The following ADAP1 variants were observed in gnomAD, a reference collection of about 807,000 sequenced individuals.
ADAP1 encodes the protein ArfGAP with dual PH domains 1.
A neutral mutation model predicts 54.9 loss-of-function variants in ADAP1; 31 were observed. That is an observed-to-expected ratio of 0.56 (90% CI 0.42 to 0.76). The LOEUF (loss-of-function observed/expected upper bound fraction) is 0.76. ADAP1 is among the 30% of genes least tolerant of loss of function. The probability of loss-of-function intolerance (pLI) is 0.00; values close to 1 mark genes in which losing one functional copy is unlikely to be tolerated. For synonymous variants in ADAP1, 313 were observed against 202.6 expected (o/e 1.55, Z -4.63); for missense variants, 535 against 512.4 (o/e 1.04, Z -0.42).
At position 898,501 on chromosome 7, in the gene ADAP1, A is replaced by G; in HGVS notation, c.*420T>C. The stretch of plus-strand genomic sequence containing the variant: ...GGGGAGGGCGGGGCGGCATGCGAGC[A>G]GGGCCCAGTCCCCAGCGGCCGGCAG... On this transcript the variant is annotated 3_prime_UTR_variant, in exon 11 of 11. Coordinates refer to ENST00000265846, the MANE Select transcript of ADAP1 (RefSeq NM_006869.4). 1 of 247,260 alleles carries G rather than the reference A, an allele frequency of 4.0e-6. No individual in the cohort carries two copies. Among genetic ancestry groups the G allele is most frequent in the Non-Finnish European group, 8.0e-6 (1 of 125,036 alleles). 15.3% of individuals were successfully genotyped at this position (247,260 alleles called of 1,614,324 possible). A position where few individuals can be genotyped will look rare whatever the true frequency, so the allele number is the denominator to read the frequency against.
chr7:900,839 T>C (rs1844766204), intron 6 of ADAP1: 1 of 643,746 alleles, frequency 1.6e-6, no homozygotes, highest in South Asian at 1.6e-5. Flanking sequence ...GGAGGGCAGG[T>C]GCAGCCTCCC....
intron 3 of ADAP1, among the ~76,000 whole-genome samples, chr7:923,830 A>G (rs1333494433): frequency 2.0e-5 from 3 of 152,140 alleles, no homozygotes; most frequent in Non-Finnish European, 4.4e-5. Context: ...CCTTCAACTC[A>G]GACCCGGGCT....
chr7:899,597 T>C, intron 8 of ADAP1, 107 bp from the exon 9 acceptor site: 1 of 1,255,696 alleles, frequency 8.0e-7, no homozygotes, highest in Non-Finnish European at 1.1e-6. Context: ...CCCGGGTCAG[T>C]CACCTCCATT....
chr7:899,332 GGGAGGCCACCCGCCCTCCT>G, intron 9 of ADAP1, 68 bp downstream of exon 9: 1 of 1,604,106 alleles, frequency 6.2e-7, no homozygotes, highest in Non-Finnish European at 8.5e-7. Context: ...GCCAGGACTC[GGGAGGCCACCCGCCCTCCT>G]GGTCACGCAT....
chr7:898,440 A>T lies in ADAP1; in HGVS notation c.*481T>A, dbSNP rs1276583643. Reference sequence around the variant, plus strand: ...CCCACGGCCCTCATAGCCCCGTGACACACAACAGGCGCTCAATAAATAGTC... The same window carrying T: ...CCCACGGCCCTCATAGCCCCGTGACTCACAACAGGCGCTCAATAAATAGTC... On this transcript the variant is annotated 3_prime_UTR_variant, in exon 11 of 11. Coordinates refer to ENST00000265846, the MANE Select transcript of ADAP1 (RefSeq NM_006869.4). 9.3e-6 allele frequency: 2 copies of T among 215,752 alleles called. No homozygotes were observed. The highest frequency in any genetic ancestry group is 4.6e-5 in the African/African-American group (2 of 43,238). 13.4% of individuals were successfully genotyped at this position (215,752 alleles called of 1,614,324 possible).
intron 1 of ADAP1, among the ~76,000 whole-genome samples, chr7:939,376 T>C (rs888661868): frequency 1.2e-4 from 18 of 151,296 alleles, no homozygotes; most frequent in Non-Finnish European, 2.5e-4. Context: ...TGCACCACCA[T>C]GCCCGGCTAA....
chr7:915,108 A>G (rs1243762110), intron 4 of ADAP1, among the ~76,000 whole-genome samples: 5 of 51,526 alleles, frequency 9.7e-5, no homozygotes, highest in Non-Finnish European at 3.6e-5. Context: ...GCAGCCACAC[A>G]CTCTGGAGCA....
At chr7:915,187 G>A (rs959343347) in intron 4 of ADAP1, among the ~76,000 whole-genome samples, 13 of 93,186 alleles carry the variant, frequency 1.4e-4, no homozygotes, top group Admixed American at 3.2e-4. Context: ...ACCTGGCCAC[G>A]GCACTCACGG....
chr7:914,382 C>G (rs1459964931), intron 4 of ADAP1, among the ~76,000 whole-genome samples: 1 of 152,214 alleles, frequency 6.6e-6, no homozygotes, highest in Non-Finnish European at 1.5e-5. Context: ...GGTGGCAAAG[C>G]CAGGGAGCAG....
intron 1 of ADAP1, among the ~76,000 whole-genome samples, chr7:943,775 AGAGGAGGAGGAAGG>A (rs1345237446): frequency 2.1e-5 from 1 of 46,550 alleles, no homozygotes; most frequent in African/African-American, 1.1e-4. Flanking sequence ...ACGAAGGGAG[AGAGGAGGAGGAAGG>A]GAGGAGGAGG....
chr7:944,690 C>T (rs1221386146), intron 1 of ADAP1, among the ~76,000 whole-genome samples: 1 of 152,254 alleles, frequency 6.6e-6, no homozygotes, highest in Non-Finnish European at 1.5e-5. Context: ...CCCATCACCT[C>T]AAGCGTGTAT....
At position 945,763 on chromosome 7, in the gene ADAP1, T is replaced by A; in HGVS notation, c.82+8633A>T. 2.0e-6 allele frequency: 2 copies of A among 985,842 alleles called. No homozygotes were observed. Among genetic ancestry groups the A allele is most frequent in the Non-Finnish European group, 2.4e-6 (2 of 830,138 alleles). 61.1% of individuals were successfully genotyped at this position (985,842 alleles called of 1,614,324 possible). A position where few individuals can be genotyped will look rare whatever the true frequency, so the allele number is the denominator to read the frequency against. Reference sequence around the variant, plus strand: ...CCTCCCAGCCCCGCTCTGCCCTACCTGCTCCCAGGACGCCCGAGGTGACTC... The same window carrying A: ...CCTCCCAGCCCCGCTCTGCCCTACCAGCTCCCAGGACGCCCGAGGTGACTC... On this transcript the variant is annotated intron_variant, in intron 1 of 10. Coordinates refer to ENST00000265846, the MANE Select transcript of ADAP1 (RefSeq NM_006869.4). The surrounding 1 kb of genome is among the most constrained non-coding windows in gnomAD (Gnocchi z 4.2).
At chr7:939,373 C>G (rs1349927629) in intron 1 of ADAP1, among the ~76,000 whole-genome samples, 1 of 152,010 alleles carries the variant, frequency 6.6e-6, no homozygotes, top group Non-Finnish European at 1.5e-5. Context: ...GCGTGCACCA[C>G]CATGCCCGGC....
intron 1 of ADAP1, among the ~76,000 whole-genome samples, chr7:951,949 G>C (rs1272896147): frequency 6.6e-6 from 1 of 152,178 alleles, no homozygotes; most frequent in African/African-American, 2.4e-5. Flanking sequence ...TGACAGGCGT[G>C]AGCCACCGCG....
rs767138687 is a variant in ADAP1, at chr7:900,557, T to A, written c.708A>T (p.Ala236=). The A allele has an allele frequency of 3.8e-6, 6 of 1,599,598 alleles. No homozygotes were observed. Among genetic ancestry groups the A allele is most frequent in the East Asian group, 4.6e-5 (2 of 43,468 alleles). Residue 236 remains alanine, a synonymous_variant, in exon 7 of 11, where the codon GCA becomes GCT. Transcript: ENST00000265846. ...CATCTGCGTCGCCGGCCCCTGGGAA[T>A]GCCACCTGCAGGTAGTGGAAGCGAG... The part of the protein sequence containing the change: ...RAARFHYLQV[A]FPGAGDADLV...
chr7:914,356 C>T (rs1010146137), intron 4 of ADAP1, among the ~76,000 whole-genome samples: 2 of 152,190 alleles, frequency 1.3e-5, no homozygotes, highest in Admixed American at 1.3e-4. Context: ...TCGCCACTGC[C>T]GTGATAAAGG....
At chr7:940,494 T>A (rs562835590) in intron 1 of ADAP1, among the ~76,000 whole-genome samples, 1 of 152,292 alleles carries the variant, frequency 6.6e-6, no homozygotes, top group Admixed American at 6.5e-5. Flanking sequence ...GTATCATTTT[T>A]AAAAAGCTTT....
In ADAP1 at chr7:920,849, A is replaced by G; in HGVS notation, c.306-799T>C. ...CACAGGCCCGGCACGGCCCAGGTGC[A>G]CAGGCAGCCGCCCCAGCCTTTTCCA... On this transcript the variant is annotated intron_variant, in intron 3 of 10. Coordinates refer to ENST00000265846, the MANE Select transcript of ADAP1 (RefSeq NM_006869.4). This position sits in a 1 kb window ranked among gnomAD's most constrained non-coding sequence, Gnocchi z 4.5. 1.3e-6 allele frequency: 2 copies of G among 1,550,262 alleles called. No individual in the cohort carries two copies. The highest frequency in any genetic ancestry group is 1.7e-6 in the Non-Finnish European group (2 of 1,146,894).
At chr7:954,825 C>T, upstream of ADAP1, 2 of 620,120 alleles carry the variant, frequency 3.2e-6, no homozygotes, top group Non-Finnish European at 4.0e-6. Context: ...GCTGGGAAAT[C>T]GCCCGCCGCC....
Sources: gnomAD v4.1 joint callset for allele counts (sites outside exome capture counted in the v4.1 genomes callset) on GRCh38, gnomAD v4.1.1 for gene constraint, Gnocchi (gnomAD v3.1) non-coding constraint, MANE v1.5 for transcripts, NCBI Gene and HGNC (gene_info 2026-07-23, HGNC 2026-07-21) for gene names.